The following CNTNAP2 variants were observed in gnomAD, a reference collection of about 807,000 sequenced individuals.
CNTNAP2 encodes the protein contactin-associated protein-like 2.
CNTNAP2 carries 98 observed loss-of-function variants against 155.2 expected under a neutral mutation model. The ratio of observed to expected loss-of-function variants is 0.63; its 90% CI spans 0.54 to 0.75. CNTNAP2 has a LOEUF of 0.75. Ranked by LOEUF, CNTNAP2 falls within the 30% of genes least tolerant of loss-of-function variation. The probability of loss-of-function intolerance (pLI) is 0.00; values close to 1 mark genes in which losing one functional copy is unlikely to be tolerated. For synonymous variants in CNTNAP2, 651 were observed against 631.2 expected, an observed-to-expected ratio of 1.03 and a Z score of -0.47; for missense variants, 1,727 against 1,688.1, an observed-to-expected ratio of 1.02 and a Z score of -0.40.
intron 14 of CNTNAP2, among the ~76,000 whole-genome samples, chr7:147,961,235 G>GA (rs896125330): frequency 2.0e-5 from 3 of 151,934 alleles, no homozygotes; most frequent in Non-Finnish European, 2.9e-5. Context: ...ATACTCAAAT[G>GA]AAAAAATCCA....
At chr7:148,293,166 C>A (rs1477833686) in intron 21 of CNTNAP2, among the ~76,000 whole-genome samples, 1 of 152,168 alleles carries the variant, frequency 6.6e-6, no homozygotes, top group Non-Finnish European at 1.5e-5. Flanking sequence ...TAACTCTTCA[C>A]CACCACCTCA....
chr7:146,654,212 G>T (rs745942653), intron 1 of CNTNAP2, among the ~76,000 whole-genome samples: 2 of 151,950 alleles, frequency 1.3e-5, no homozygotes, highest in Non-Finnish European at 2.9e-5. Flanking sequence ...TGAGATGTCT[G>T]GTCAGCCACA....
At chr7:147,578,201 G>T (rs1800432664) in intron 12 of CNTNAP2, among the ~76,000 whole-genome samples, 1 of 152,082 alleles carries the variant, frequency 6.6e-6, no homozygotes, top group African/African-American at 2.4e-5. Context: ...ATTGATAATG[G>T]AAAGTAAAGG....
At chr7:146,219,533 TATAA>T (rs1460454892) in intron 1 of CNTNAP2, among the ~76,000 whole-genome samples, 11 of 152,164 alleles carry the variant, frequency 7.2e-5, no homozygotes, top group African/African-American at 2.2e-4. Context: ...TGGAAGATAA[TATAA>T]ATAGACGAAC....
At chr7:147,034,902 G>C (rs2129251630) in intron 3 of CNTNAP2, among the ~76,000 whole-genome samples, 1 of 152,278 alleles carries the variant, frequency 6.6e-6, no homozygotes, top group Admixed American at 6.5e-5. Context: ...GGGCCAGAGT[G>C]GTCTTAGAAA....
intron 1 of CNTNAP2, among the ~76,000 whole-genome samples, chr7:146,577,321 A>G (rs1027588061): frequency 2.0e-5 from 3 of 152,216 alleles, no homozygotes; most frequent in Non-Finnish European, 2.9e-5. Flanking sequence ...TTCCTTCTAC[A>G]GAGATTTGCC....
At chr7:146,946,055 G>A (rs781456069) in intron 3 of CNTNAP2, among the ~76,000 whole-genome samples, 34 of 150,880 alleles carry the variant, frequency 2.3e-4, no homozygotes, top group South Asian at 6.3e-4. Context: ...TACTGAAAAG[G>A]AGACCCTTCC....
chr7:147,841,228 T>C (rs1383273139), intron 13 of CNTNAP2, among the ~76,000 whole-genome samples: 1 of 152,204 alleles, frequency 6.6e-6, no homozygotes. Context: ...TGAGTCCACA[T>C]AATGATAACA....
chr7:147,473,115 G>T (rs1798256607), intron 10 of CNTNAP2, among the ~76,000 whole-genome samples: 1 of 152,172 alleles, frequency 6.6e-6, no homozygotes, highest in Admixed American at 6.5e-5. Flanking sequence ...GGTTGTGAAT[G>T]CCTGTGAGAA....
At chr7:146,564,777 T>C (rs1260775228) in intron 1 of CNTNAP2, among the ~76,000 whole-genome samples, 1 of 151,856 alleles carries the variant, frequency 6.6e-6, no homozygotes, top group East Asian at 1.9e-4. Context: ...TCTTCTTTCT[T>C]TCCTTCTCAT....
intron 9 of CNTNAP2, among the ~76,000 whole-genome samples, chr7:147,377,811 G>A (rs1388241579): frequency 6.6e-6 from 1 of 151,656 alleles, no homozygotes; most frequent in Non-Finnish European, 1.5e-5. Context: ...GTTCCTTAGG[G>A]ATACTCTCTC....
intron 8 of CNTNAP2, among the ~76,000 whole-genome samples, chr7:147,229,610 TGGACTTAC>T (rs1803631703): frequency 6.6e-6 from 1 of 152,196 alleles, no homozygotes; most frequent in African/African-American, 2.4e-5. Context: ...GTTGGGTTGA[TGGACTTAC>T]AATTGAGAAC....
At chr7:148,128,666 G>A (rs1249111988) in intron 16 of CNTNAP2, among the ~76,000 whole-genome samples, 1 of 152,182 alleles carries the variant, frequency 6.6e-6, no homozygotes, top group Non-Finnish European at 1.5e-5. Flanking sequence ...TATGAAGATG[G>A]ATTTTAGAAT....
At position 146,549,058 on chromosome 7, in the gene CNTNAP2, C is replaced by CT. The variant is rs565332134; in HGVS notation, c.98-225200dup. On this transcript the variant is annotated intron_variant, in intron 1 of 23. Transcript: ENST00000361727. ...ATGTGTAGTATAAGAGTCCAATTTCCTTTTTTTTTTTTTGCATGTGGATGT... is the reference window on the plus strand; with the variant it reads ...ATGTGTAGTATAAGAGTCCAATTTCCTTTTTTTTTTTTTTGCATGTGGATGT... Among the ~76,000 whole-genome samples the CT allele has an allele frequency of 8.5e-3, 1,158 of 136,602 alleles. 6 individuals are homozygous for CT. Among genetic ancestry groups the CT allele is most frequent in the Middle Eastern group, 0.029 (7 of 244 alleles). 89.6% of individuals were successfully genotyped at this position (136,602 alleles called of 152,430 possible).
intron 1 of CNTNAP2, among the ~76,000 whole-genome samples, chr7:146,240,532 A>T (rs1332445851): frequency 1.3e-5 from 2 of 151,478 alleles, no homozygotes; most frequent in African/African-American, 2.4e-5. Flanking sequence ...AAATATATTT[A>T]TATATAAATG....
At chr7:147,695,569 G>T (rs964135410) in intron 13 of CNTNAP2, among the ~76,000 whole-genome samples, 1 of 152,174 alleles carries the variant, frequency 6.6e-6, no homozygotes, top group Non-Finnish European at 1.5e-5. Flanking sequence ...GGAGGCCAAG[G>T]TGGGTGGATC....
At chr7:146,696,023 A>G (rs977064585) in intron 1 of CNTNAP2, among the ~76,000 whole-genome samples, 2 of 152,048 alleles carry the variant, frequency 1.3e-5, no homozygotes, top group Non-Finnish European at 2.9e-5. Flanking sequence ...CTTAGTCTGG[A>G]TGTGGTGTTG....
At chr7:146,606,884 G>C (rs1232405859) in intron 1 of CNTNAP2, among the ~76,000 whole-genome samples, 1 of 152,132 alleles carries the variant, frequency 6.6e-6, no homozygotes, top group Non-Finnish European at 1.5e-5. Context: ...AATTTCCATG[G>C]AGTTAGCTCT....
intron 11 of CNTNAP2, among the ~76,000 whole-genome samples, chr7:147,515,276 T>C (rs1295792749): frequency 6.6e-6 from 1 of 152,030 alleles, no homozygotes; most frequent in Non-Finnish European, 1.5e-5. Context: ...TCTGTTTTCC[T>C]TATCTCCCTT....
Sources: allele counts gnomAD v4.1 joint callset (sites outside exome capture counted in the v4.1 genomes callset), GRCh38; gene constraint gnomAD v4.1.1; transcripts MANE v1.5; gene names NCBI Gene and HGNC (gene_info 2026-07-23, HGNC 2026-07-21).